Variants in SEMA5A observed in about 807,000 individuals in gnomAD.
SEMA5A encodes the protein semaphorin-5A.
Under a neutral mutation model 135.5 loss-of-function variants are expected in SEMA5A, and 55 were observed. The ratio of observed to expected loss-of-function variants is 0.41; its 90% CI spans 0.33 to 0.51. The LOEUF is 0.51. Ranked by LOEUF, SEMA5A falls within the 20% of genes least tolerant of loss-of-function variation. The pLI, the probability that SEMA5A is intolerant of heterozygous loss-of-function variation, is 0.37. For synonymous variants in SEMA5A, 580 were observed against 546.5 expected, an observed-to-expected ratio of 1.06 and a Z score of -0.85; for missense variants, 1,290 against 1,419.9, an observed-to-expected ratio of 0.91 and a Z score of 1.47.
chr5:9,328,732 T>C (rs976832060), intron 4 of SEMA5A, among the ~76,000 whole-genome samples: 1 of 152,070 alleles, frequency 6.6e-6, no homozygotes, highest in Non-Finnish European at 1.5e-5. Flanking sequence ...GCCGAGATCA[T>C]ACCATTGCAC....
chr5:9,141,389 C>T (rs1291036120), intron 12 of SEMA5A, among the ~76,000 whole-genome samples: 1 of 152,120 alleles, frequency 6.6e-6, no homozygotes, highest in Non-Finnish European at 1.5e-5. Context: ...TATGTCATAG[C>T]ATCATTTTGT....
intron 1 of SEMA5A, among the ~76,000 whole-genome samples, chr5:9,454,854 T>C (rs985500451): frequency 1.1e-4 from 17 of 152,212 alleles, no homozygotes; most frequent in African/African-American, 3.1e-4. Flanking sequence ...TCTACCTCCA[T>C]TTCTACATTG....
chr5:9,520,953 G>C (rs1250297441), intron 1 of SEMA5A, among the ~76,000 whole-genome samples: 1 of 152,240 alleles, frequency 6.6e-6, no homozygotes, highest in Non-Finnish European at 1.5e-5. Context: ...AGTCAGAATA[G>C]AGCGTGGCCT....
chr5:9,515,834 T>C (rs2126858198), intron 1 of SEMA5A, among the ~76,000 whole-genome samples: 1 of 152,366 alleles, frequency 6.6e-6, no homozygotes, highest in African/African-American at 2.4e-5. Flanking sequence ...AAAAATAGTA[T>C]GCTAAGAACC....
chr5:9,363,936 G>T (rs751957387), intron 3 of SEMA5A, among the ~76,000 whole-genome samples: 2 of 152,198 alleles, frequency 1.3e-5, no homozygotes, highest in East Asian at 1.9e-4. Context: ...GTAGGCAGGC[G>T]ATGAGGCAGG....
intron 18 of SEMA5A, among the ~76,000 whole-genome samples, chr5:9,056,250 A>T (rs915236841): frequency 2.6e-5 from 4 of 152,230 alleles, no homozygotes; most frequent in Non-Finnish European, 5.9e-5. Context: ...ATCAACAGGG[A>T]AATGCAAATC....
chr5:9,229,123 AG>A lies in SEMA5A; in HGVS notation c.334-2157del, dbSNP rs1747479873. ...CTTCTAAATGTAAAGTGAAATACCA[AG>A]GGTGGATTATCCTCCTAACATTATT... On this transcript the variant is annotated intron_variant, in intron 6 of 22. Coordinates refer to ENST00000382496, the MANE Select transcript of SEMA5A (RefSeq NM_003966.3). Among the ~76,000 whole-genome samples the A allele has an allele frequency of 3.9e-5, 6 of 152,356 alleles. No individual in the cohort carries two copies. The South Asian group carries it at 1.2e-3, about 32-fold the overall frequency.
chr5:9,328,283 C>A (rs1173453186), intron 4 of SEMA5A, among the ~76,000 whole-genome samples: 1 of 152,248 alleles, frequency 6.6e-6, no homozygotes, highest in Non-Finnish European at 1.5e-5. Context: ...ACCTGATCCA[C>A]AACCCGCAAC....
chr5:9,124,907 C>T (rs1741022110), intron 13 of SEMA5A, among the ~76,000 whole-genome samples: 1 of 152,204 alleles, frequency 6.6e-6, no homozygotes, highest in Non-Finnish European at 1.5e-5. Context: ...TCTTCCAGAA[C>T]CATCCACTAC....
intron 2 of SEMA5A, chr5:9,422,345 T>C (rs531949445): frequency 6.6e-6 from 1 of 152,314 alleles, no homozygotes; most frequent in South Asian, 2.1e-4. Flanking sequence ...CTGCTGTCCA[T>C]AGGATGAAGT....
intron 2 of SEMA5A, among the ~76,000 whole-genome samples, chr5:9,410,739 G>A (rs541624458): frequency 6.6e-6 from 1 of 152,092 alleles, no homozygotes; most frequent in African/African-American, 2.4e-5. Context: ...GAATCTTAGA[G>A]AGCGGGTCAA....
chr5:9,113,999 C>T (rs1740382469), intron 15 of SEMA5A, among the ~76,000 whole-genome samples: 1 of 152,156 alleles, frequency 6.6e-6, no homozygotes, highest in South Asian at 2.1e-4. Flanking sequence ...TACTCATATG[C>T]CAATATTCAG....
chr5:9,283,149 T>C (rs1346503765), intron 5 of SEMA5A, among the ~76,000 whole-genome samples: 1 of 152,224 alleles, frequency 6.6e-6, no homozygotes, highest in East Asian at 1.9e-4. Context: ...AGTTTCCTTT[T>C]GCTGTCTAAT....
In SEMA5A at chr5:9,040,794, C is replaced by T. The variant is rs918603925; in HGVS notation, c.*2103G>A. The T allele has an allele frequency of 3.3e-5, 5 of 152,190 alleles. No individual in the cohort carries two copies. The highest frequency in any genetic ancestry group is 7.3e-5 in the Non-Finnish European group (5 of 68,040). The allele number at this position is 152,190 out of a possible 1,614,324, so 9.4% of individuals were successfully genotyped here. A position where few individuals can be genotyped will look rare whatever the true frequency, so the allele number is the denominator to read the frequency against. On this transcript the variant is annotated 3_prime_UTR_variant, in exon 23 of 23. Transcript: ENST00000382496. ...TGAAACATTCTTGAAATATTAGAAT[C>T]CTCTTTACCAGGGAAAATAAAATGT...
chr5:9,181,726 G>A (rs1017098965), intron 11 of SEMA5A, among the ~76,000 whole-genome samples: 3 of 152,102 alleles, frequency 2.0e-5, no homozygotes, highest in African/African-American at 7.2e-5. Context: ...GTGAGTATGT[G>A]GAGATGGAGA....
At chr5:9,467,342 G>A (rs934075075) in intron 1 of SEMA5A, among the ~76,000 whole-genome samples, 1 of 152,052 alleles carries the variant, frequency 6.6e-6, no homozygotes, top group Non-Finnish European at 1.5e-5. Flanking sequence ...TTGAACTGTT[G>A]ACCTCATGAT....
chr5:9,427,795 A>T (rs1757710839), intron 2 of SEMA5A, among the ~76,000 whole-genome samples: 1 of 152,116 alleles, frequency 6.6e-6, no homozygotes. Context: ...TAGTAGGTGG[A>T]TCCTTGAGCA....
chr5:9,194,683 G>C (rs1745295365), intron 10 of SEMA5A, among the ~76,000 whole-genome samples: 1 of 152,164 alleles, frequency 6.6e-6, no homozygotes, highest in Admixed American at 6.5e-5. Flanking sequence ...TCTGTAACTT[G>C]AGCTCCATTG....
chr5:9,067,130 G>A (rs1378878260), intron 16 of SEMA5A, among the ~76,000 whole-genome samples: 1 of 152,176 alleles, frequency 6.6e-6, no homozygotes, highest in Non-Finnish European at 1.5e-5. Flanking sequence ...TGATGCAAGA[G>A]ACTTTTTTTA....
Sources: gnomAD v4.1 joint callset for allele counts (sites outside exome capture counted in the v4.1 genomes callset) on GRCh38, gnomAD v4.1.1 for gene constraint, MANE v1.5 for transcripts, NCBI Gene and HGNC (gene_info 2026-07-23, HGNC 2026-07-21) for gene names.